Variants in LPP observed in about 807,000 individuals in gnomAD.
LPP encodes the protein lipoma-preferred partner.
A neutral mutation model predicts 60.4 loss-of-function variants in LPP; 38 were observed. The observed-to-expected ratio is 0.63, with a 90% confidence interval of 0.49 to 0.83. The LOEUF is 0.83. Ranked by LOEUF, LPP falls within the 40% of genes least tolerant of loss-of-function variation. LPP has a pLI of 0.00. For missense variants in LPP, 902 were observed against 783.6 expected (o/e 1.15, Z -1.80); for synonymous variants, 328 against 290.8 (o/e 1.13, Z -1.30).
intron 2 of LPP, among the ~76,000 whole-genome samples, chr3:188,305,704 G>A (rs1001821513): frequency 9.2e-5 from 14 of 152,196 alleles, no homozygotes; most frequent in African/African-American, 3.4e-4. Flanking sequence ...GAAAAGAGGA[G>A]CAGGTTTTAT....
chr3:188,160,257 C>T (rs572427988), intron 1 of LPP, among the ~76,000 whole-genome samples: 41 of 151,892 alleles, frequency 2.7e-4, no homozygotes, highest in African/African-American at 8.0e-4. Flanking sequence ...TGCAATGGCC[C>T]GATCTCGGCT....
At chr3:188,325,308 C>G (rs900891981) in intron 2 of LPP, among the ~76,000 whole-genome samples, 9 of 152,128 alleles carry the variant, frequency 5.9e-5, no homozygotes, top group Non-Finnish European at 1.3e-4. Flanking sequence ...CCACTCATCA[C>G]TTTACACAGT....
intron 1 of LPP, among the ~76,000 whole-genome samples, chr3:188,218,584 A>G (rs1430457219): frequency 1.3e-5 from 2 of 152,230 alleles, no homozygotes; most frequent in African/African-American, 2.4e-5. Flanking sequence ...TCTTAAAAAC[A>G]GTGTTTTGTT....
At chr3:188,429,833 G>A (rs1454946353) in intron 4 of LPP, among the ~76,000 whole-genome samples, 1 of 152,136 alleles carries the variant, frequency 6.6e-6, no homozygotes, top group Non-Finnish European at 1.5e-5. Context: ...GAAAGGGAAT[G>A]GTAAGGTTCT....
intron 8 of LPP, among the ~76,000 whole-genome samples, chr3:188,715,181 C>A (rs1403247546): frequency 6.6e-6 from 1 of 151,816 alleles, no homozygotes. Flanking sequence ...AGATCAAGAC[C>A]ATCCTGGCCA....
chr3:188,505,012 G>T (rs1361642405), intron 5 of LPP, among the ~76,000 whole-genome samples: 1 of 152,162 alleles, frequency 6.6e-6, no homozygotes, highest in African/African-American at 2.4e-5. Context: ...AAGTACATGT[G>T]CACAGATGCC....
intron 9 of LPP, among the ~76,000 whole-genome samples, chr3:188,838,701 T>C (rs548138463): frequency 9.9e-5 from 15 of 152,270 alleles, no homozygotes; most frequent in Admixed American, 9.2e-4. Context: ...TTCATGTCCT[T>C]TTCAGGGACA....
chr3:188,808,560 C>G (rs992925303), intron 9 of LPP, among the ~76,000 whole-genome samples: 2 of 152,064 alleles, frequency 1.3e-5, no homozygotes, highest in Non-Finnish European at 2.9e-5. Context: ...AGGGACAATC[C>G]GGGAGAAGTA....
At chr3:188,273,771 T>C (rs1465436149) in intron 2 of LPP, among the ~76,000 whole-genome samples, 1 of 151,824 alleles carries the variant, frequency 6.6e-6, no homozygotes, top group Non-Finnish European at 1.5e-5. Context: ...ATTTTTTGTA[T>C]TTTTAGTAGA....
intron 5 of LPP, among the ~76,000 whole-genome samples, chr3:188,490,023 G>T (rs1579302987): frequency 6.6e-6 from 1 of 152,152 alleles, no homozygotes; most frequent in East Asian, 1.9e-4. Flanking sequence ...GAGGGGTTTT[G>T]TCCATTGGTG....
intron 3 of LPP, among the ~76,000 whole-genome samples, chr3:188,354,588 G>T (rs6774223): frequency 0.73 from 111,503 of 152,136 alleles, 41,501 homozygotes; most frequent in African/African-American, 0.84. Context: ...ACAGTTTTAG[G>T]CAAAGTGAAA....
intron 2 of LPP, among the ~76,000 whole-genome samples, chr3:188,257,943 G>A (rs998097608): frequency 3.3e-5 from 5 of 152,234 alleles, no homozygotes; most frequent in African/African-American, 1.2e-4. Context: ...CAGCATTAAA[G>A]CCTGTAAATT....
intron 2 of LPP, among the ~76,000 whole-genome samples, chr3:188,272,020 C>T (rs1395738638): frequency 1.3e-5 from 2 of 152,124 alleles, no homozygotes. Flanking sequence ...GCTGCTATAA[C>T]ACAGCCACCA....
chr3:188,621,569 C>T (rs541965674), intron 7 of LPP, among the ~76,000 whole-genome samples: 2 of 152,144 alleles, frequency 1.3e-5, no homozygotes, highest in Non-Finnish European at 2.9e-5. Flanking sequence ...TCTAGTCTAC[C>T]ATTTCCAGCT....
At chr3:188,426,634 T>G (rs1789427088) in intron 4 of LPP, among the ~76,000 whole-genome samples, 1 of 152,190 alleles carries the variant, frequency 6.6e-6, no homozygotes, top group Admixed American at 6.5e-5. Flanking sequence ...ATCTGGGTGC[T>G]CCTGTATTGG....
At chr3:188,242,190 C>G (rs1560147712) in intron 2 of LPP, among the ~76,000 whole-genome samples, 1 of 152,242 alleles carries the variant, frequency 6.6e-6, no homozygotes, top group African/African-American at 2.4e-5. Context: ...AGACACTCAG[C>G]CTTAACATGG....
chr3:188,368,477 T>C (rs1241079192), intron 3 of LPP, among the ~76,000 whole-genome samples: 1 of 151,990 alleles, frequency 6.6e-6, no homozygotes, highest in Non-Finnish European at 1.5e-5. Flanking sequence ...CCTTGACAGA[T>C]GAAGAAATAG....
chr3:188,598,333 A>C (rs573177799), intron 6 of LPP, among the ~76,000 whole-genome samples: 5 of 152,274 alleles, frequency 3.3e-5, no homozygotes, highest in African/African-American at 1.2e-4. Flanking sequence ...TACGTACTAG[A>C]GGACAATAAG....
intron 7 of LPP, among the ~76,000 whole-genome samples, chr3:188,634,616 T>C (rs1848395521): frequency 6.6e-6 from 1 of 152,208 alleles, no homozygotes; most frequent in Non-Finnish European, 1.5e-5. Flanking sequence ...GCAGCGGTAT[T>C]GGATTCTCAT....
Sources: gnomAD v4.1 joint callset for allele counts (sites outside exome capture counted in the v4.1 genomes callset) on GRCh38, gnomAD v4.1.1 for gene constraint, MANE v1.5 for transcripts, NCBI Gene and HGNC (gene_info 2026-07-23, HGNC 2026-07-21) for gene names.